CBFA2T3: variants seen among roughly 807,000 people sequenced by gnomAD.
The protein encoded by CBFA2T3 is CBFA2/RUNX1 partner transcriptional co-repressor 3, also known as transcriptional corepressor CBFA2T3.
A neutral mutation model predicts 58.6 loss-of-function variants in CBFA2T3; 31 were observed. That is an observed-to-expected ratio of 0.53 (90% confidence interval 0.40 to 0.71). CBFA2T3 has a LOEUF of 0.71. CBFA2T3 is among the 30% of genes least tolerant of loss of function. CBFA2T3 has a pLI of 0.00. For synonymous variants in CBFA2T3, 531 were observed against 421.9 expected (o/e 1.26, Z -3.17); for missense variants, 1,076 against 963.1 (o/e 1.12, Z -1.55).
At chr16:88,964,177 C>T (rs1173886768) in intron 1 of CBFA2T3, among the ~76,000 whole-genome samples, 1 of 152,238 alleles carries the variant, frequency 6.6e-6, no homozygotes, top group Non-Finnish European at 1.5e-5. Context: ...TTGGGGTCAG[C>T]TGTGTGCTGC....
intron 1 of CBFA2T3, among the ~76,000 whole-genome samples, chr16:88,975,277 G>GTCAGAGGTC (rs1211696333): frequency 8.8e-6 from 1 of 113,292 alleles, no homozygotes; most frequent in Admixed American, 9.9e-5. Context: ...CCTCTAGCCA[G>GTCAGAGGTC]CAGCCCCTCG....
intron 7 of CBFA2T3, 30 bp from the exon 8 acceptor site, chr16:88,882,791 C>T: frequency 2.1e-6 from 3 of 1,418,580 alleles, no homozygotes; most frequent in Non-Finnish European, 2.9e-6. Context: ...ACGCTTAGGT[C>T]CCACCCACAG....
At chr16:88,972,800 A>G (rs1972686625) in intron 1 of CBFA2T3, among the ~76,000 whole-genome samples, 1 of 152,160 alleles carries the variant, frequency 6.6e-6, no homozygotes, top group African/African-American at 2.4e-5. Context: ...TGTGGTCAAC[A>G]AAAGGGGGGA....
At chr16:88,966,277 A>G (rs1972501744) in intron 1 of CBFA2T3, among the ~76,000 whole-genome samples, 1 of 152,232 alleles carries the variant, frequency 6.6e-6, no homozygotes, top group Non-Finnish European at 1.5e-5. Flanking sequence ...ACTCCAGAGC[A>G]GCCAGCTAAC....
At chr16:88,900,335 C>T (rs769453922) in intron 2 of CBFA2T3, among the ~76,000 whole-genome samples, 26 of 152,250 alleles carry the variant, frequency 1.7e-4, no homozygotes, top group Admixed American at 4.6e-4. Context: ...CAAACAGGGC[C>T]GCAAATCTGC....
At chr16:88,882,885 G>A (rs1483601848) in intron 7 of CBFA2T3, 124 bp from the exon 8 acceptor site, 5 of 708,046 alleles carry the variant, frequency 7.1e-6, no homozygotes, top group East Asian at 5.4e-5. Context: ...ACGATGGACA[G>A]GGTAACCGAA....
chr16:88,949,576 AAAAG>A (rs891198041), intron 1 of CBFA2T3, among the ~76,000 whole-genome samples: 38 of 152,042 alleles, frequency 2.5e-4, no homozygotes, highest in Middle Eastern at 3.4e-3. Flanking sequence ...AAAAAAAAGA[AAAAG>A]AAAGAAGATG....
At chr16:88,895,011 C>T (rs548062462) in intron 3 of CBFA2T3, among the ~76,000 whole-genome samples, 13 of 152,298 alleles carry the variant, frequency 8.5e-5, no homozygotes, top group African/African-American at 2.9e-4. Flanking sequence ...CTGACCTGGC[C>T]CCTGGGAGGT....
In CBFA2T3 at chr16:88,886,016, A is replaced by G. The variant is rs561624190; in HGVS notation, c.838T>C (p.Ser280Pro). The change falls in exon 6 of 12, where the codon TCC (serine) becomes CCC (proline). Residue 280 changes from serine to proline, a missense_variant. Physicochemically the swap from Ser to Pro is moderately conservative, Grantham distance 74. Transcript: ENST00000268679. ...TTGACTTCCAGTAGCAGCTCTGAGG[A>G]GTCGATGGGGGAGGAGGCGCTGGCG... is the stretch of plus-strand genomic sequence containing the variant. ...LDASASSPIDSSELLLEVNEN... is the reference protein window; with the variant it reads ...LDASASSPIDPSELLLEVNEN... 6.4e-7 allele frequency: 1 copy of G among 1,563,458 alleles called. No homozygotes were observed. Among genetic ancestry groups the G allele is most frequent in the South Asian group, 1.2e-5 (1 of 85,212 alleles).
chr16:88,890,120 G>GC (rs925972231), intron 5 of CBFA2T3, among the ~76,000 whole-genome samples: 1 of 151,934 alleles, frequency 6.6e-6, no homozygotes. Flanking sequence ...CCTGGACGAT[G>GC]CCCCGCGTGA....
chr16:88,928,625 G>A (rs1971165029), intron 1 of CBFA2T3, among the ~76,000 whole-genome samples: 1 of 152,248 alleles, frequency 6.6e-6, no homozygotes, highest in African/African-American at 2.4e-5. Context: ...TATGGGGACC[G>A]TCCCTCAGGC....
intron 1 of CBFA2T3, among the ~76,000 whole-genome samples, chr16:88,906,511 G>A (rs1487350848): frequency 2.0e-5 from 3 of 152,208 alleles, no homozygotes; most frequent in African/African-American, 4.8e-5. Context: ...AAATAAAATC[G>A]CACAGAGCTT....
rs1968838391 is a variant in CBFA2T3, at chr16:88,876,627, G to A, written c.*349C>T. On this transcript the variant is annotated 3_prime_UTR_variant, in exon 12 of 12. Transcript: ENST00000268679. ...TAGAGAAGACAGAGGGGGAGAGACA[G>A]ACAGAGAGGAAAAGAGAGGTGGGCA... 1 of 305,296 alleles carries A rather than the reference G, an allele frequency of 3.3e-6. No individual in the cohort carries two copies. The highest frequency in any genetic ancestry group is 2.1e-5 in the African/African-American group (1 of 47,248). The allele number at this position is 305,296 out of a possible 1,614,324, so 18.9% of individuals were successfully genotyped here. A position where few individuals can be genotyped will look rare whatever the true frequency, so the allele number is the denominator to read the frequency against.
chr16:88,885,422 A>C lies in CBFA2T3; in HGVS notation c.894-153T>G, dbSNP rs895147844. ...CACGGAGCAAAACACCAGCCCCGGG[A>C]AGCCCAGCCCGGCGCCCCCACTCTC... On this transcript the variant is annotated intron_variant, in intron 6 of 11. Coordinates refer to ENST00000268679, the MANE Select transcript of CBFA2T3 (RefSeq NM_005187.6). This position sits in a 1 kb window ranked among gnomAD's most constrained non-coding sequence, Gnocchi z 5.3. Among the ~76,000 whole-genome samples the C allele has an allele frequency of 6.6e-6, 1 of 152,004 alleles. No individual in the cohort carries two copies. The highest frequency in any genetic ancestry group is 1.5e-5 in the Non-Finnish European group (1 of 67,946).
intron 1 of CBFA2T3, chr16:88,939,192 C>T (rs1707538320): frequency 6.6e-6 from 1 of 152,068 alleles, no homozygotes; most frequent in Non-Finnish European, 1.5e-5. Flanking sequence ...GGGAAGAGCT[C>T]AGGGGGGCTC....
intron 1 of CBFA2T3, among the ~76,000 whole-genome samples, chr16:88,925,849 T>C (rs973156650): frequency 4.6e-5 from 7 of 152,322 alleles, no homozygotes; most frequent in Non-Finnish European, 8.8e-5. Flanking sequence ...ACCAAGGACA[T>C]GGGTGGCACT....
chr16:88,975,959 C>T (rs7201599), intron 1 of CBFA2T3, among the ~76,000 whole-genome samples: 55,359 of 152,202 alleles, frequency 0.36, 10,329 homozygotes, highest in East Asian at 0.39. Context: ...AGTGTGGCCA[C>T]GAGGGCCACT....
chr16:88,889,533 C>T (rs1969538455), intron 5 of CBFA2T3, among the ~76,000 whole-genome samples: 1 of 151,922 alleles, frequency 6.6e-6, no homozygotes, highest in Non-Finnish European at 1.5e-5. Context: ...TGGAATTTGA[C>T]AGACCTAGGT....
intron 1 of CBFA2T3, among the ~76,000 whole-genome samples, chr16:88,942,193 C>T (rs1971767200): frequency 6.6e-6 from 1 of 152,228 alleles, no homozygotes. Flanking sequence ...CCCCCGCCCG[C>T]TTTGCCTTTC....
Sources: allele counts gnomAD v4.1 joint callset (sites outside exome capture counted in the v4.1 genomes callset), GRCh38; gene constraint gnomAD v4.1.1; non-coding constraint Gnocchi (gnomAD v3.1); transcripts MANE v1.5; gene names NCBI Gene and HGNC (gene_info 2026-07-23, HGNC 2026-07-21).